TANC2: variants seen among roughly 807,000 people sequenced by gnomAD.
TANC2 encodes protein TANC2.
Under a neutral mutation model 210.5 loss-of-function variants are expected in TANC2, and 26 were observed. The ratio of observed to expected loss-of-function variants is 0.12; its 90% CI spans 0.09 to 0.17. TANC2 has a LOEUF of 0.17. Among genes scored for constraint, TANC2 ranks in the 10% least tolerant of loss-of-function variants. TANC2 has a pLI of 1.00. For missense variants in TANC2, 2,129 were observed against 2,608.9 expected (o/e 0.82, Z 4.01); for synonymous variants, 931 against 967.1 (o/e 0.96, Z 0.69).
In TANC2 at chr17:63,388,868, G is replaced by A. The variant is rs545024315; in HGVS notation, c.2814+111G>A. 4.5e-5 allele frequency: 33 copies of A among 738,962 alleles called. No homozygotes were observed. The South Asian group carries it at 1.1e-3, about 25-fold the overall frequency. The allele number at this position is 738,962 out of a possible 1,614,324, so 45.8% of individuals were successfully genotyped here. On this transcript the variant is annotated intron_variant, in intron 16 of 27. Transcript: ENST00000689528. ...GATCTTTGACTTGTCTTTCTTATTAGCCTTTTATTGATAATTTAATATATT... is the reference window on the plus strand; with the variant it reads ...GATCTTTGACTTGTCTTTCTTATTAACCTTTTATTGATAATTTAATATATT...
At chr17:63,056,656 G>A (rs992975178) in intron 2 of TANC2, among the ~76,000 whole-genome samples, 5 of 152,138 alleles carry the variant, frequency 3.3e-5, no homozygotes, top group Admixed American at 3.3e-4. Context: ...TCCAGCCTGG[G>A]TGACAGAGCG....
intron 8 of TANC2, among the ~76,000 whole-genome samples, chr17:63,240,450 T>C (rs1216278635): frequency 6.6e-6 from 1 of 152,180 alleles, no homozygotes; most frequent in Non-Finnish European, 1.5e-5. Context: ...CCTTAGAACC[T>C]TTTTTCACTG....
rs1054352520 is a variant in TANC2 at position 62,988,251 on chromosome 17, C to T, written c.-23-21286C>T. Reference sequence around the variant, plus strand: ...CAAGCGATTCTTCTGCCTCAGCCTGCCGAGTAGCTGGGATTACAGGCGTGC... The same window carrying T: ...CAAGCGATTCTTCTGCCTCAGCCTGTCGAGTAGCTGGGATTACAGGCGTGC... On this transcript the variant is annotated intron_variant, in intron 1 of 27. Transcript: ENST00000689528. Among the ~76,000 whole-genome samples the T allele has an allele frequency of 2.6e-5, 4 of 151,474 alleles. No homozygotes were observed. In the East Asian group the frequency reaches 5.8e-4, roughly 22 times the overall value.
chr17:63,413,681 T>C (rs1191363298), intron 25 of TANC2, 47 bp downstream of exon 25: 2 of 1,485,552 alleles, frequency 1.3e-6, no homozygotes, highest in Non-Finnish European at 1.8e-6. Flanking sequence ...CCACTGACTG[T>C]TTTCCATGTG....
chr17:63,294,303 C>CT (rs2044469029), intron 9 of TANC2, among the ~76,000 whole-genome samples: 1 of 152,078 alleles, frequency 6.6e-6, no homozygotes, highest in African/African-American at 2.4e-5. Flanking sequence ...TGGTGAAACC[C>CT]TGTCTCTACA....
At chr17:63,246,899 A>G (rs1465139548) in intron 8 of TANC2, among the ~76,000 whole-genome samples, 1 of 152,136 alleles carries the variant, frequency 6.6e-6, no homozygotes, top group Non-Finnish European at 1.5e-5. Flanking sequence ...TGTTTTTCTA[A>G]AAGTAGCTGT....
At chr17:63,340,178 C>G (rs1436702611) in exon 12 of TANC2, 20 of 1,613,930 alleles carry the variant, frequency 1.2e-5, no homozygotes, top group Non-Finnish European at 1.7e-5. Context: ...ATGTTGCTGC[C>G]TTGCTCTGCC....
intron 4 of TANC2, among the ~76,000 whole-genome samples, chr17:63,102,938 C>T (rs2037685327): frequency 6.6e-6 from 1 of 152,046 alleles, no homozygotes; most frequent in Non-Finnish European, 1.5e-5. Flanking sequence ...ATTTGCATGG[C>T]ATTTACATTG....
intron 8 of TANC2, among the ~76,000 whole-genome samples, chr17:63,251,733 G>A (rs2146159884): frequency 6.6e-6 from 1 of 152,178 alleles, no homozygotes; most frequent in African/African-American, 2.4e-5. Flanking sequence ...ATTGAATATC[G>A]CTGCTTTTTT....
At chr17:62,971,094 A>G (rs1015670059) in intron 1 of TANC2, among the ~76,000 whole-genome samples, 2 of 152,156 alleles carry the variant, frequency 1.3e-5, no homozygotes, top group Non-Finnish European at 2.9e-5. Context: ...TCGTTGTAAT[A>G]CCGTGAGAAT....
intron 14 of TANC2, among the ~76,000 whole-genome samples, chr17:63,369,433 G>A (rs1237239585): frequency 6.6e-6 from 1 of 152,112 alleles, no homozygotes; most frequent in Non-Finnish European, 1.5e-5. Context: ...CTTTTATACT[G>A]GAAGGCTGCT....
chr17:63,136,968 A>T (rs572910436), intron 4 of TANC2, among the ~76,000 whole-genome samples: 2 of 152,302 alleles, frequency 1.3e-5, no homozygotes, highest in Non-Finnish European at 2.9e-5. Flanking sequence ...AACTCTGCAG[A>T]GGGGTTCTTT....
chr17:63,130,364 T>C (rs193183691), intron 4 of TANC2, among the ~76,000 whole-genome samples: 1 of 152,004 alleles, frequency 6.6e-6, no homozygotes, highest in African/African-American at 2.4e-5. Flanking sequence ...ATACAAAAAT[T>C]AGCTGGGCGT....
At position 62,997,141 on chromosome 17, in the gene TANC2, GA is replaced by G. The variant is rs1282681976; in HGVS notation, c.-23-12389del. Among the ~76,000 whole-genome samples, 35 of 126,834 alleles carry G rather than the reference GA, an allele frequency of 2.8e-4. 1 individual carries two copies. The South Asian group carries it at 8.8e-3, about 32-fold the overall frequency. 83.2% of individuals were successfully genotyped at this position (126,834 alleles called of 152,430 possible). On this transcript the variant is annotated intron_variant, in intron 1 of 27. Transcript: ENST00000689528. ...CTTTTTTTTTTTTTTTTTTTAAAGA[GA>G]AAAAAAGGACAGAGTCTCACTCTCT...
chr17:63,138,057 T>C (rs1157348792), intron 4 of TANC2, among the ~76,000 whole-genome samples: 1 of 152,176 alleles, frequency 6.6e-6, no homozygotes. Flanking sequence ...ATGACTGAGC[T>C]TGAAGGAGGT....
chr17:63,063,575 T>TGTGTGTGTAG (rs142486219), intron 2 of TANC2, among the ~76,000 whole-genome samples: 1,435 of 132,518 alleles, frequency 0.011, 29 homozygotes, highest in African/African-American at 0.019. Flanking sequence ...TGTGTGTGTG[T>TGTGTGTGTAG]AGATATATCT....
At chr17:63,345,388 C>T (rs147751076) in intron 12 of TANC2, among the ~76,000 whole-genome samples, 28 of 152,108 alleles carry the variant, frequency 1.8e-4, no homozygotes, top group Middle Eastern at 6.8e-3. Context: ...GGGAGGCCAA[C>T]GCAGGTGGAT....
intron 3 of TANC2, among the ~76,000 whole-genome samples, chr17:63,086,511 A>G (rs576928901): frequency 1.3e-5 from 2 of 152,214 alleles, no homozygotes; most frequent in Non-Finnish European, 1.5e-5. Flanking sequence ...TTTCTATTCT[A>G]ATGTTTTTGA....
chr17:63,401,818 C>T (rs911732269), intron 19 of TANC2, among the ~76,000 whole-genome samples: 2 of 152,288 alleles, frequency 1.3e-5, no homozygotes, highest in African/African-American at 4.8e-5. Flanking sequence ...CTCTGGAGGC[C>T]AACCCTGGAA....
Sources: allele counts gnomAD v4.1 joint callset (sites outside exome capture counted in the v4.1 genomes callset), GRCh38; gene constraint gnomAD v4.1.1; transcripts MANE v1.5; gene names NCBI Gene and HGNC (gene_info 2026-07-23, HGNC 2026-07-21).